ABR: variants seen among roughly 807,000 people sequenced by gnomAD.
ABR encodes the protein active breakpoint cluster region-related protein.
ABR carries 35 observed loss-of-function variants against 107.2 expected under a neutral mutation model. The observed-to-expected ratio is 0.33, with a 90% CI of 0.25 to 0.43. The LOEUF (loss-of-function observed/expected upper bound fraction) is 0.43. Ranked by LOEUF, ABR falls within the 20% of genes least tolerant of loss-of-function variation. ABR has a pLI of 1.00. For synonymous variants in ABR, 498 were observed against 462.0 expected, an observed-to-expected ratio of 1.08 and a Z score of -1.00; for missense variants, 815 against 1,115.2, an observed-to-expected ratio of 0.73 and a Z score of 3.83.
chr17:1,198,828 T>G (rs1430833640), intron 1 of ABR, among the ~76,000 whole-genome samples: 2 of 112,994 alleles, frequency 1.8e-5, no homozygotes, highest in African/African-American at 3.3e-5. Context: ...TAGAGGTGGG[T>G]TTCACCGTGT....
In ABR at chr17:1,011,112, T is replaced by C; in HGVS notation, c.2102-249A>G. ...GGGAAAGGGTGTTTGGGGAGTGAAA[T>C]CCATCACCCAGAGTTCAGAGCCACA... On this transcript the variant is annotated intron_variant, in intron 19 of 22. Transcript: ENST00000302538. The surrounding 1 kb of genome is among the most constrained non-coding windows in gnomAD (Gnocchi z 4.8). 1 of 529,096 alleles carries C rather than the reference T, an allele frequency of 1.9e-6. No individual in the cohort carries two copies. The highest frequency in any genetic ancestry group is 3.4e-6 in the Non-Finnish European group (1 of 292,068). 32.8% of individuals were successfully genotyped at this position (529,096 alleles called of 1,614,324 possible).
At position 1,078,732 on chromosome 17, in the gene ABR, CCCCGG is replaced by C; in HGVS notation, c.700+593_700+597del. 1.4e-6 allele frequency: 2 copies of C among 1,433,654 alleles called. No homozygotes were observed. Among genetic ancestry groups the C allele is most frequent in the Non-Finnish European group, 1.9e-6 (2 of 1,059,654 alleles). The allele number at this position is 1,433,654 out of a possible 1,614,324, so 88.8% of individuals were successfully genotyped here. A position where few individuals can be genotyped will look rare whatever the true frequency, so the allele number is the denominator to read the frequency against. ...CTCCTTCCCTGCGGCCCTCTAACCT[CCCCGG>C]CCACATCTAAGCCCACTCCAGCCGG... On this transcript the variant is annotated intron_variant, in intron 6 of 22. Transcript: ENST00000302538. This position sits in a 1 kb window ranked among gnomAD's most constrained non-coding sequence, Gnocchi z 7.5.
intron 1 of ABR, among the ~76,000 whole-genome samples, chr17:1,173,197 C>T (rs1182946994): frequency 8.3e-6 from 1 of 120,608 alleles, no homozygotes; most frequent in Non-Finnish European, 1.7e-5. Context: ...CCTCAGTCAA[C>T]GCAACACATC....
upstream of ABR, chr17:1,181,768 C>G (rs1336047629): frequency 6.6e-6 from 1 of 152,246 alleles, no homozygotes; most frequent in Non-Finnish European, 1.5e-5. Flanking sequence ...CGGGCGTGAG[C>G]TGCCGCCACC....
chr17:1,146,542 C>A (rs73975656), intron 1 of ABR, among the ~76,000 whole-genome samples: 1 of 152,168 alleles, frequency 6.6e-6, no homozygotes, highest in African/African-American at 2.4e-5. Flanking sequence ...CTGCCACTTC[C>A]CCTAGAAGTC....
intron 5 of ABR, among the ~76,000 whole-genome samples, chr17:1,081,997 C>CA (rs1260954450): frequency 1.3e-5 from 2 of 151,982 alleles, no homozygotes; most frequent in African/African-American, 4.8e-5. Flanking sequence ...TGTTCATCTC[C>CA]AACTGTCAGC....
At chr17:1,214,872 T>C (rs983140001) in intron 1 of ABR, among the ~76,000 whole-genome samples, 2 of 151,892 alleles carry the variant, frequency 1.3e-5, no homozygotes, top group Non-Finnish European at 2.9e-5. Flanking sequence ...TCGGTGTATA[T>C]AAGCTCAATG....
chr17:1,091,989 C>T (rs561109607), intron 3 of ABR, 139 bp from the exon 4 acceptor site: 11 of 893,820 alleles, frequency 1.2e-5, no homozygotes, highest in South Asian at 3.3e-5. Flanking sequence ...GGCACTGAAA[C>T]GAGCTTTGTA....
chr17:1,040,157 G>C (rs753777027), intron 16 of ABR, among the ~76,000 whole-genome samples: 38 of 152,274 alleles, frequency 2.5e-4, no homozygotes, highest in Non-Finnish European at 3.4e-4. Context: ...GAGGGGGCCG[G>C]AGCTGGAAGG....
chr17:1,135,360 ATTC>A (rs2040011385), intron 1 of ABR, among the ~76,000 whole-genome samples: 1 of 137,306 alleles, frequency 7.3e-6, no homozygotes, highest in Non-Finnish European at 1.6e-5. Flanking sequence ...TTTATTTTTT[ATTC>A]TTTTTCTTTT....
At chr17:1,058,712 G>A in intron 11 of ABR, 33 bp downstream of exon 11, 1 of 1,611,238 alleles carries the variant, frequency 6.2e-7, no homozygotes, top group Non-Finnish European at 8.5e-7. Flanking sequence ...CTAAGGAAGG[G>A]GCTGTCTTGG....
At chr17:1,116,201 CAG>C (rs2038978658) in intron 2 of ABR, among the ~76,000 whole-genome samples, 1 of 152,192 alleles carries the variant, frequency 6.6e-6, no homozygotes, top group African/African-American at 2.4e-5. Context: ...GCCTGGGTGA[CAG>C]AGGGAGACGC....
chr17:1,061,705 C>T (rs898547236), intron 10 of ABR, among the ~76,000 whole-genome samples: 2 of 152,134 alleles, frequency 1.3e-5, no homozygotes, highest in Non-Finnish European at 2.9e-5. Context: ...CACCACCACA[C>T]CCGGCTAACT....
At chr17:1,192,792 T>TA (rs1368302099) in intron 1 of ABR, among the ~76,000 whole-genome samples, 1 of 152,174 alleles carries the variant, frequency 6.6e-6, no homozygotes, top group African/African-American at 2.4e-5. Context: ...AAGGCACCTA[T>TA]AATCCCAGCA....
chr17:1,108,955 G>A, intron 2 of ABR: 1 of 1,595,890 alleles, frequency 6.3e-7, no homozygotes, highest in Non-Finnish European at 8.5e-7. Flanking sequence ...CCAGGAAGGG[G>A]GACCCTGAGC....
rs2070460942 is a variant in ABR at position 1,010,715 on chromosome 17, C to T, written c.2236+14G>A. 6.2e-7 allele frequency: 1 copy of T among 1,612,934 alleles called. No homozygotes were observed. Among genetic ancestry groups the T allele is most frequent in the African/African-American group, 1.3e-5 (1 of 74,928 alleles). On this transcript the variant is annotated intron_variant, in intron 20 of 22. Transcript: ENST00000302538. The surrounding 1 kb of genome is among the most constrained non-coding windows in gnomAD (Gnocchi z 4.1). ...TCTGGCCCAGCCCAGTCCTAGGAGC[C>T]CTCAGGGCCTCACCGATGCCCTCCA... is the stretch of plus-strand genomic sequence containing the variant.
In ABR at chr17:1,084,142, C is replaced by T. The variant is rs2036444021; in HGVS notation, c.532-515G>A. Among the ~76,000 whole-genome samples the T allele has an allele frequency of 6.6e-6, 1 of 152,202 alleles. No homozygotes were observed. The highest frequency in any genetic ancestry group is 1.5e-5 in the Non-Finnish European group (1 of 68,032). ...GGCGTGGCGGCTCACGCCTGTAACC[C>T]CAGCACTTTGGGAGGCCTGAGGTCA... is the stretch of plus-strand genomic sequence containing the variant. On this transcript the variant is annotated intron_variant, in intron 4 of 22. Coordinates refer to ENST00000302538, the MANE Select transcript of ABR (RefSeq NM_021962.5). The surrounding 1 kb of genome is among the most constrained non-coding windows in gnomAD (Gnocchi z 4.2).
intron 14 of ABR, among the ~76,000 whole-genome samples, chr17:1,053,913 C>T (rs980214666): frequency 8.5e-5 from 13 of 152,246 alleles, no homozygotes; most frequent in African/African-American, 3.1e-4. Context: ...AGCGGCAGCC[C>T]CCAAGAAGGG....
At chr17:1,104,795 A>G (rs1311619896) in intron 2 of ABR, among the ~76,000 whole-genome samples, 1 of 152,166 alleles carries the variant, frequency 6.6e-6, no homozygotes, top group Non-Finnish European at 1.5e-5. Context: ...GCTGGGGGAC[A>G]AAGACCAAAT....
Sources: gnomAD v4.1 joint callset for allele counts (sites outside exome capture counted in the v4.1 genomes callset) on GRCh38, gnomAD v4.1.1 for gene constraint, Gnocchi (gnomAD v3.1) non-coding constraint, MANE v1.5 for transcripts, NCBI Gene and HGNC (gene_info 2026-07-23, HGNC 2026-07-21) for gene names.